The following ZCCHC24 variants were observed in gnomAD, a reference collection of about 807,000 sequenced individuals.
The protein encoded by ZCCHC24 is zinc finger CCHC domain-containing protein 24.
Under a neutral mutation model 26.2 loss-of-function variants are expected in ZCCHC24, and 10 were observed. That is an observed-to-expected ratio of 0.38 (90% CI 0.24 to 0.65). The LOEUF is 0.65. Ranked by LOEUF, ZCCHC24 falls within the 30% of genes least tolerant of loss-of-function variation. The pLI is 0.54. For missense variants in ZCCHC24, 243 were observed against 329.1 expected, an observed-to-expected ratio of 0.74 and a Z score of 2.03; for synonymous variants, 144 against 147.1, an observed-to-expected ratio of 0.98 and a Z score of 0.15.
At chr10:79,439,160 C>CTTA (rs776313258) in intron 1 of ZCCHC24, among the ~76,000 whole-genome samples, 35 of 152,276 alleles carry the variant, frequency 2.3e-4, no homozygotes, top group Non-Finnish European at 3.4e-4. Context: ...TGCACGCATG[C>CTTA]TTATGTTCTG....
At chr10:79,388,100 G>A (rs1365227662) in intron 3 of ZCCHC24, among the ~76,000 whole-genome samples, 2 of 152,182 alleles carry the variant, frequency 1.3e-5, no homozygotes, top group Non-Finnish European at 2.9e-5. Flanking sequence ...GTGTGACCTT[G>A]GGCAGGCCAC....
At chr10:79,406,244 T>C (rs1444774725) in intron 2 of ZCCHC24, among the ~76,000 whole-genome samples, 1 of 152,200 alleles carries the variant, frequency 6.6e-6, no homozygotes, top group South Asian at 2.1e-4. Context: ...CTTCGAACCA[T>C]GGCCTTTCTC....
chr10:79,420,702 A>G (rs1856923626), intron 2 of ZCCHC24, among the ~76,000 whole-genome samples: 1 of 152,118 alleles, frequency 6.6e-6, no homozygotes, highest in Admixed American at 6.5e-5. Context: ...GAACTCGGGA[A>G]GCGGAGGCTG....
intron 1 of ZCCHC24, 124 bp from the exon 2 acceptor site, chr10:79,432,882 A>G: frequency 9.3e-7 from 1 of 1,078,802 alleles, no homozygotes; most frequent in Non-Finnish European, 1.3e-6. Flanking sequence ...TGGGCTCCAG[A>G]AGCCTGAGTT....
chr10:79,440,205 T>C (rs1354901548), intron 1 of ZCCHC24, among the ~76,000 whole-genome samples: 14 of 152,136 alleles, frequency 9.2e-5, no homozygotes, highest in Admixed American at 6.5e-4. Context: ...TGTCTTTCTT[T>C]AGAAGAGCCT....
rs776883202 is a variant in ZCCHC24, at chr10:79,394,383, C to T, written c.505G>A (p.Glu169Lys). The change falls in exon 3 of 4, where the codon GAG (glutamate) becomes AAG (lysine). Residue 169 changes from glutamate to lysine, a missense_variant. Physicochemically the swap from Glu to Lys is moderately conservative, Grantham distance 56. Around this residue, in one of 2 missense-constraint regions of ZCCHC24, gnomAD observed 96 missense variants for 178.3 expected, o/e 0.54. Coordinates refer to ENST00000372336, the MANE Select transcript of ZCCHC24 (RefSeq NM_153367.4). Reference protein sequence around the residue: ...PYQGKKRCFGEYKCPKCKRKW... With the variant: ...PYQGKKRCFGKYKCPKCKRKW... ...CTCTTGCACTTGGGACACTTGTACT[C>T]GCCGAAGCAGCGCTTTTTGCCCTGG... 4 of 1,614,246 alleles carry T rather than the reference C, an allele frequency of 2.5e-6. No homozygotes were observed. The highest frequency in any genetic ancestry group is 2.2e-5 in the South Asian group (2 of 91,092).
intron 2 of ZCCHC24, among the ~76,000 whole-genome samples, chr10:79,406,976 C>G (rs1026584727): frequency 6.6e-6 from 1 of 152,236 alleles, no homozygotes; most frequent in African/African-American, 2.4e-5. Context: ...CACCCTGCCT[C>G]CCAACCAAAT....
intron 1 of ZCCHC24, among the ~76,000 whole-genome samples, chr10:79,435,620 C>T (rs369670769): frequency 9.2e-5 from 14 of 152,332 alleles, no homozygotes; most frequent in Non-Finnish European, 1.6e-4. Flanking sequence ...TCCAGACGAA[C>T]GCTACCTTAG....
At chr10:79,416,438 G>A in intron 2 of ZCCHC24, among the ~76,000 whole-genome samples, 1 of 152,160 alleles carries the variant, frequency 6.6e-6, no homozygotes, top group Middle Eastern at 3.2e-3. Flanking sequence ...TGTCCAGGGG[G>A]CCCTTGATGA....
At chr10:79,423,599 A>ATATATATATATATTT (rs1554841883) in intron 2 of ZCCHC24, among the ~76,000 whole-genome samples, 5 of 118,254 alleles carry the variant, frequency 4.2e-5, no homozygotes, top group Non-Finnish European at 9.5e-5. Flanking sequence ...ATATATATAT[A>ATATATATATATATTT]TATATATATA....
chr10:79,416,606 A>G (rs1329447860), intron 2 of ZCCHC24, among the ~76,000 whole-genome samples: 1 of 152,186 alleles, frequency 6.6e-6, no homozygotes, highest in Non-Finnish European at 1.5e-5. Flanking sequence ...GTGCTGGTAC[A>G]TGGAGGATGC....
Position 79,394,388 on chromosome 10 carries a change from A to T in ZCCHC24, c.500T>A (p.Phe167Tyr), listed in dbSNP as rs1856517586. The T allele has an allele frequency of 1.2e-6, 2 of 1,614,108 alleles. No individual in the cohort carries two copies. The highest frequency in any genetic ancestry group is 1.7e-6 in the Non-Finnish European group (2 of 1,180,044). The change falls in exon 3 of 4, where the codon TTC becomes TAC. Residue 167 changes from phenylalanine to tyrosine, a missense_variant. By Grantham distance (22) the Phe-to-Tyr change is conservative. Transcript: ENST00000372336. ...GCACTTGGGACACTTGTACTCGCCG[A>T]AGCAGCGCTTTTTGCCCTGGTATGG... ...LTPYQGKKRC[F>Y]GEYKCPKCKR...
intron 2 of ZCCHC24, among the ~76,000 whole-genome samples, chr10:79,397,511 C>A (rs901937053): frequency 6.6e-6 from 1 of 152,184 alleles, no homozygotes; most frequent in African/African-American, 2.4e-5. Flanking sequence ...TTCTAAGCCA[C>A]CCCCTCTATC....
At chr10:79,425,414 C>T (rs770011482) in intron 2 of ZCCHC24, among the ~76,000 whole-genome samples, 1 of 152,242 alleles carries the variant, frequency 6.6e-6, no homozygotes, top group Non-Finnish European at 1.5e-5. Flanking sequence ...CCAGACCAGG[C>T]TTGGGATGGC....
chr10:79,440,282 A>AAGTGTTC (rs1291288879), intron 1 of ZCCHC24, among the ~76,000 whole-genome samples: 2 of 152,332 alleles, frequency 1.3e-5, no homozygotes, highest in East Asian at 3.9e-4. Context: ...AAGCAGTAGA[A>AAGTGTTC]AGTGCTCAGT....
At chr10:79,388,311 A>T (rs958953482) in intron 3 of ZCCHC24, among the ~76,000 whole-genome samples, 2 of 152,190 alleles carry the variant, frequency 1.3e-5, no homozygotes, top group African/African-American at 4.8e-5. Context: ...CCAAGATCCC[A>T]AGGTGAAAGG....
intron 2 of ZCCHC24, among the ~76,000 whole-genome samples, chr10:79,415,891 G>A (rs1408209559): frequency 2.0e-5 from 3 of 152,198 alleles, no homozygotes; most frequent in Non-Finnish European, 2.9e-5. Context: ...AGGCCCAAGA[G>A]GCAGCCTCCG....
chr10:79,385,073 G>A lies in ZCCHC24; in HGVS notation c.*1272C>T, dbSNP rs1279018586. 6.6e-6 allele frequency: 1 copy of A among 152,160 alleles called. No homozygotes were observed. The highest frequency in any genetic ancestry group is 1.5e-5 in the Non-Finnish European group (1 of 68,030). The allele number at this position is 152,160 out of a possible 1,614,324, so 9.4% of individuals were successfully genotyped here. A position where few individuals can be genotyped will look rare whatever the true frequency, so the allele number is the denominator to read the frequency against. On this transcript the variant is annotated 3_prime_UTR_variant, in exon 4 of 4. Coordinates refer to ENST00000372336, the MANE Select transcript of ZCCHC24 (RefSeq NM_153367.4). The surrounding 1 kb of genome is among the most constrained non-coding windows in gnomAD (Gnocchi z 4.3). Reference sequence around the variant, plus strand: ...AAGAGGGGTTCTGTGGCTTGTCTCAGGGTTCTCCATGTCAGGGGCTAGGAG... The same window carrying A: ...AAGAGGGGTTCTGTGGCTTGTCTCAAGGTTCTCCATGTCAGGGGCTAGGAG...
At chr10:79,429,038 T>C (rs762167522) in intron 2 of ZCCHC24, among the ~76,000 whole-genome samples, 1 of 152,182 alleles carries the variant, frequency 6.6e-6, no homozygotes, top group African/African-American at 2.4e-5. Flanking sequence ...CGCAGGTGAA[T>C]TCTATCAAAC....
Sources: gnomAD v4.1 joint callset for allele counts (sites outside exome capture counted in the v4.1 genomes callset) on GRCh38, gnomAD v4.1.1 for gene constraint, gnomAD v4.1.1 regional missense constraint, Gnocchi (gnomAD v3.1) non-coding constraint, MANE v1.5 for transcripts, NCBI Gene and HGNC (gene_info 2026-07-23, HGNC 2026-07-21) for gene names.